PSG6: variants seen among roughly 807,000 people sequenced by gnomAD.
PSG6 encodes pregnancy-specific beta-1-glycoprotein 6.
In PSG6, 51 loss-of-function variants were observed where a neutral mutation model predicts 43.3. The ratio of observed to expected loss-of-function variants is 1.18; its 90% CI spans 0.94 to 1.49. The LOEUF (loss-of-function observed/expected upper bound fraction) is 1.49. Ranked by LOEUF, PSG6 falls within the 40% of genes most tolerant of loss-of-function variation. The pLI, the probability that PSG6 is intolerant of heterozygous loss-of-function variation, is 0.00. For missense variants in PSG6, 770 were observed against 522.2 expected, an observed-to-expected ratio of 1.47 and a Z score of -4.62; for synonymous variants, 292 against 197.6, an observed-to-expected ratio of 1.48 and a Z score of -4.01.
rs762995659 is a variant in PSG6, at chr19:42,916,310, GATGTA to G, written c.237_241del (p.Thr80IlefsTer88). On this transcript the variant is annotated frameshift_variant, in exon 2 of 6. Transcript: ENST00000187910. LOFTEE classifies it high-confidence loss of function. ...TATAATTTGACCGTGTACTACATAT[GATGTA>G]ATGTAATGGTAGAGGTCCGTCATTT... 17 of 1,612,152 alleles carry G rather than the reference GATGTA, an allele frequency of 1.1e-5. No individual in the cohort carries two copies. The highest frequency in any genetic ancestry group is 1.4e-5 in the Non-Finnish European group (17 of 1,179,102).
chr19:42,903,995 A>AT (rs1972075185), intron 5 of PSG6, among the ~76,000 whole-genome samples: 1 of 151,826 alleles, frequency 6.6e-6, no homozygotes. Flanking sequence ...TTGTATGCCA[A>AT]TAAATTGGAT....
chr19:42,917,661 C>T, intron 1 of PSG6, 68 bp downstream of exon 1: 1 of 1,591,868 alleles, frequency 6.3e-7, no homozygotes, highest in Admixed American at 1.7e-5. Flanking sequence ...ACCCCATCCT[C>T]TCCAGGATAC....
chr19:42,907,561 A>T lies in PSG6; in HGVS notation c.985+15T>A, dbSNP rs370174981. 2.5e-6 allele frequency: 4 copies of T among 1,611,568 alleles called. No homozygotes were observed. Among genetic ancestry groups the T allele is most frequent in the Non-Finnish European group, 3.4e-6 (4 of 1,178,790 alleles). ...AGCTGGTGTCCTGGCCCACAGAGGA[A>T]CAAAGGATACTCACAGAGGACATTC... On this transcript the variant is annotated intron_variant, in intron 4 of 5. Coordinates refer to ENST00000187910, the MANE Select transcript of PSG6 (RefSeq NM_001031850.4).
At chr19:42,908,622 G>A (rs1312129097) in intron 3 of PSG6, among the ~76,000 whole-genome samples, 5 of 151,710 alleles carry the variant, frequency 3.3e-5, no homozygotes, top group African/African-American at 4.8e-5. Context: ...GCAGAGGGCA[G>A]GTGAGGACCA....
At position 42,904,268 on chromosome 19, in the gene PSG6, T is replaced by C. The variant is rs189195674; in HGVS notation, c.1241-1822A>G. ...ACAAGGATGCCTGCTATTGACACTT[T>C]TATTCAACATAGTAGTGAAAGGTCT... On this transcript the variant is annotated intron_variant, in intron 5 of 5. Transcript: ENST00000187910. Among the ~76,000 whole-genome samples the C allele has an allele frequency of 3.3e-5, 5 of 151,820 alleles. No individual in the cohort carries two copies. In the East Asian group the frequency reaches 9.7e-4, roughly 29 times the overall value.
At position 42,907,946 on chromosome 19, in the gene PSG6, C is replaced by G. The variant is rs1166865881; in HGVS notation, c.707-92G>C. Reference sequence around the variant, plus strand: ...GAGTTGGCATCTCCCACCTGTCAACCCACATGAGTCCTTGAAAGCCAGTAG... The same window carrying G: ...GAGTTGGCATCTCCCACCTGTCAACGCACATGAGTCCTTGAAAGCCAGTAG... On this transcript the variant is annotated intron_variant, in intron 3 of 5. Coordinates refer to ENST00000187910, the MANE Select transcript of PSG6 (RefSeq NM_001031850.4). 20 of 1,523,620 alleles carry G rather than the reference C, an allele frequency of 1.3e-5. No individual in the cohort carries two copies. In the East Asian group the frequency reaches 4.5e-4, roughly 34 times the overall value. The allele number at this position is 1,523,620 out of a possible 1,614,324, so 94.4% of individuals were successfully genotyped here. A position where few individuals can be genotyped will look rare whatever the true frequency, so the allele number is the denominator to read the frequency against.
At chr19:42,914,327 G>A (rs1972282237) in intron 2 of PSG6, among the ~76,000 whole-genome samples, 1 of 151,372 alleles carries the variant, frequency 6.6e-6, no homozygotes, top group Non-Finnish European at 1.5e-5. Context: ...AGAACAGCCA[G>A]CCTAGTTAGA....
intron 3 of PSG6, 54 bp from the exon 4 acceptor site, chr19:42,907,908 C>T (rs543099507): frequency 6.3e-7 from 1 of 1,592,536 alleles, no homozygotes; most frequent in Non-Finnish European, 8.6e-7. Flanking sequence ...CCTCCACAGG[C>T]ATCCTTCATT....
chr19:42,912,539 G>A (rs1445410497), intron 2 of PSG6, among the ~76,000 whole-genome samples: 2 of 151,792 alleles, frequency 1.3e-5, no homozygotes, highest in African/African-American at 4.8e-5. Flanking sequence ...GAACTGGTTA[G>A]TGTGTCAATT....
rs757230889 is a variant in PSG6, at chr19:42,907,656, T to C, written c.905A>G (p.Asn302Ser). Residue 302 changes from asparagine to serine, a missense_variant, in exon 4 of 6, where the codon AAT becomes AGT. Physicochemically the swap from Asn to Ser is conservative, Grantham distance 46. Transcript: ENST00000187910. ...TTCACATTGATAGGGTCCTGTTTCA[T>C]TTCTCGTGACACTGGGTAGAATGAG... is the stretch of plus-strand genomic sequence containing the variant. ...RILILPSVTR[N>S]ETGPYQCEIR... 3.7e-6 allele frequency: 6 copies of C among 1,611,428 alleles called. 1 individual carries two copies. The South Asian group carries it at 6.6e-5, about 18-fold the overall frequency.
intron 3 of PSG6, chr19:42,910,227 C>T: frequency 2.2e-6 from 1 of 451,742 alleles, no homozygotes; most frequent in Non-Finnish European, 4.0e-6. Context: ...AAGGGAAAAT[C>T]CTGGTCTGTG....
intron 3 of PSG6, 107 bp downstream of exon 3, chr19:42,910,473 G>A (rs746060289): frequency 2.5e-6 from 4 of 1,610,846 alleles, no homozygotes; most frequent in East Asian, 2.2e-5. Context: ...TGATGTTCAG[G>A]GATAAAGGTC....
intron 2 of PSG6, among the ~76,000 whole-genome samples, chr19:42,911,989 C>T (rs1972235965): frequency 6.6e-6 from 1 of 151,490 alleles, no homozygotes; most frequent in African/African-American, 2.4e-5. Flanking sequence ...CAGCCTCGTG[C>T]CTATACTTCA....
Position 42,907,083 on chromosome 19 carries a change from G to T in PSG6, c.1079C>A (p.Pro360Gln), listed in dbSNP as rs750500962. Residue 360 changes from proline (P) to glutamine (Q), a missense_variant, in exon 5 of 6, where the codon CCG (proline) becomes CAG (glutamine). Pro to Gln is a moderately conservative substitution (Grantham distance 76, BLOSUM62 -1). Transcript: ENST00000187910. ...DLSCFADSNP[P>Q]AEYSWTINGK... Reference sequence around the variant, plus strand: ...ATTAATTGTCCAAGAATACTCTGCCGGTGGGTTAGAGTCCGCAAAGCAGGA... The same window carrying T: ...ATTAATTGTCCAAGAATACTCTGCCTGTGGGTTAGAGTCCGCAAAGCAGGA... 7.4e-6 allele frequency: 12 copies of T among 1,612,572 alleles called. No homozygotes were observed. The African/African-American group carries it at 1.3e-4, about 18-fold the overall frequency.
At chr19:42,908,581 G>C (rs1296253220) in intron 3 of PSG6, among the ~76,000 whole-genome samples, 1 of 151,710 alleles carries the variant, frequency 6.6e-6, no homozygotes, top group Non-Finnish European at 1.5e-5. Flanking sequence ...CATGTTCCCT[G>C]TCCTGGGTTC....
intron 5 of PSG6, chr19:42,906,553 A>G: frequency 1.5e-6 from 2 of 1,291,010 alleles, no homozygotes. Flanking sequence ...CTTGTAGCTC[A>G]TGGAATAGGT....
chr19:42,912,548 T>G (rs1356699652), intron 2 of PSG6, among the ~76,000 whole-genome samples: 1 of 151,732 alleles, frequency 6.6e-6, no homozygotes, highest in Non-Finnish European at 1.5e-5. Flanking sequence ...AGTGTGTCAA[T>G]TACATAAAAG....
chr19:42,907,057 C>G lies in PSG6; in HGVS notation c.1105G>C (p.Gly369Arg), dbSNP rs1267350108. Residue 369 changes from glycine to arginine, a missense_variant, in exon 5 of 6, where the codon GGG (glycine) becomes CGG (arginine). Physicochemically the swap from Gly to Arg is moderately radical, Grantham distance 125. Coordinates refer to ENST00000187910, the MANE Select transcript of PSG6 (RefSeq NM_001031850.4). The stretch of plus-strand genomic sequence containing the variant: ...TTTTGTCCTGATAGCTGAAACTTCC[C>G]ATTAATTGTCCAAGAATACTCTGCC... The part of the protein sequence containing the change: ...PPAEYSWTIN[G>R]KFQLSGQKLF... 8 of 1,612,644 alleles carry G rather than the reference C, an allele frequency of 5.0e-6. No individual in the cohort carries two copies. Among genetic ancestry groups the G allele is most frequent in the Non-Finnish European group, 6.8e-6 (8 of 1,179,234 alleles).
In PSG6 at chr19:42,906,975, C is replaced by G. The variant is rs148607777; in HGVS notation, c.1187G>C (p.Arg396Pro). 9.3e-6 allele frequency: 15 copies of G among 1,612,242 alleles called. 1 individual carries two copies. The highest frequency in any genetic ancestry group is 1.2e-5 in the Non-Finnish European group (14 of 1,179,092). The change falls in exon 5 of 6, where the codon CGT (arginine) becomes CCT (proline). Residue 396 changes from arginine to proline, a missense_variant. Coordinates refer to ENST00000187910, the MANE Select transcript of PSG6 (RefSeq NM_001031850.4). ...GATTTCCTTGCCAGTGGCTGAGTTA[C>G]GAACAGAGCAAGCATAGAGCCCGCT... ...NHSGLYACSV[R>P]NSATGKEISK... is the part of the protein sequence containing the mutation.
Sources: allele counts gnomAD v4.1 joint callset (sites outside exome capture counted in the v4.1 genomes callset), GRCh38; gene constraint gnomAD v4.1.1; transcripts MANE v1.5; gene names NCBI Gene and HGNC (gene_info 2026-07-23, HGNC 2026-07-21).